Variants in NRXN3 observed in about 807,000 individuals in gnomAD.
NRXN3 encodes the protein neurexin III.
A neutral mutation model predicts 137.6 loss-of-function variants in NRXN3; 32 were observed. The observed-to-expected ratio is 0.23, with a 90% CI of 0.18 to 0.31. NRXN3 has a LOEUF of 0.31. Among genes scored for constraint, NRXN3 ranks in the 10% least tolerant of loss-of-function variants. The pLI is 1.00. For synonymous variants in NRXN3, 798 were observed against 784.5 expected, an observed-to-expected ratio of 1.02 and a Z score of -0.29; for missense variants, 1,574 against 2,062.5, an observed-to-expected ratio of 0.76 and a Z score of 4.59.
At chr14:79,701,820 G>A (rs1421410951) in intron 19 of NRXN3, among the ~76,000 whole-genome samples, 1 of 152,070 alleles carries the variant, frequency 6.6e-6, no homozygotes, top group Admixed American at 6.6e-5. Context: ...TTATAAAGTA[G>A]GGAGGGTGGT....
At chr14:79,109,501 A>G (rs997444187) in intron 15 of NRXN3, among the ~76,000 whole-genome samples, 1 of 152,176 alleles carries the variant, frequency 6.6e-6, no homozygotes, top group Non-Finnish European at 1.5e-5. Context: ...ATATTGGTGA[A>G]CCTTCCTTTT....
At chr14:78,200,776 G>A (rs2061604451) in intron 1 of NRXN3, among the ~76,000 whole-genome samples, 1 of 152,130 alleles carries the variant, frequency 6.6e-6, no homozygotes, top group African/African-American at 2.4e-5. Context: ...AAATTCCTGG[G>A]TCTAGCTACT....
chr14:78,395,801 C>T (rs1407961650), intron 4 of NRXN3, among the ~76,000 whole-genome samples: 2 of 151,754 alleles, frequency 1.3e-5, no homozygotes, highest in Non-Finnish European at 2.9e-5. Context: ...TTAATAGAGC[C>T]ATTCCTGATT....
chr14:79,651,407 C>T (rs1412171334), intron 16 of NRXN3, among the ~76,000 whole-genome samples: 1 of 152,124 alleles, frequency 6.6e-6, no homozygotes, highest in African/African-American at 2.4e-5. Context: ...GTCTTGCTAG[C>T]AGAAGAATGC....
chr14:79,119,899 A>G (rs1432132764), intron 15 of NRXN3, among the ~76,000 whole-genome samples: 3 of 152,154 alleles, frequency 2.0e-5, no homozygotes, highest in Non-Finnish European at 4.4e-5. Flanking sequence ...ATACATGTTC[A>G]TATATTTTAG....
intron 20 of NRXN3, among the ~76,000 whole-genome samples, chr14:79,819,209 T>C (rs950371024): frequency 6.6e-6 from 1 of 152,172 alleles, no homozygotes; most frequent in Non-Finnish European, 1.5e-5. Context: ...CAATCAGCTC[T>C]TATAATGACA....
intron 16 of NRXN3, 114 bp downstream of exon 16, chr14:79,467,516 T>A: frequency 1.1e-6 from 1 of 949,696 alleles, no homozygotes; most frequent in Non-Finnish European, 1.5e-6. Context: ...CACATGCTTA[T>A]AAAAATTGTT....
In NRXN3 at chr14:79,649,797, C is replaced by T. The variant is rs186317372; in HGVS notation, c.3445-13981C>T. On this transcript the variant is annotated intron_variant, in intron 16 of 20. Coordinates refer to ENST00000335750, the MANE Select transcript of NRXN3 (RefSeq NM_001330195.2). Reference sequence around the variant, plus strand: ...CCATTCCTCTTTACTTTCTCAACTGCATCCACTTAAATACATCTTATTGTT... The same window carrying T: ...CCATTCCTCTTTACTTTCTCAACTGTATCCACTTAAATACATCTTATTGTT... Among the ~76,000 whole-genome samples, 6 of 152,290 alleles carry T rather than the reference C, an allele frequency of 3.9e-5. No homozygotes were observed. In the East Asian group the frequency reaches 1.2e-3, roughly 29 times the overall value.
intron 8 of NRXN3, among the ~76,000 whole-genome samples, chr14:78,723,173 C>A (rs777496363): frequency 3.3e-4 from 50 of 152,046 alleles, no homozygotes; most frequent in Non-Finnish European, 1.8e-4. Context: ...ATGGGATAAC[C>A]AGGTCAGATC....
Position 79,353,064 on chromosome 14 carries a change from T to C in NRXN3, c.3263-114157T>C, listed in dbSNP as rs142778611. Among the ~76,000 whole-genome samples, 975 of 152,260 alleles carry C rather than the reference T, an allele frequency of 6.4e-3. 8 individuals are homozygous for C. The highest frequency in any genetic ancestry group is 0.022 in the African/African-American group (925 of 41,590). The stretch of plus-strand genomic sequence containing the variant: ...GTAAAACATTTAACAATGTTGTTTT[T>C]TGGTAAGTAGTAAGTAAAAGTAGCT... On this transcript the variant is annotated intron_variant, in intron 15 of 20. Transcript: ENST00000335750.
chr14:78,904,131 G>A (rs1469491252), intron 10 of NRXN3, among the ~76,000 whole-genome samples: 1 of 152,058 alleles, frequency 6.6e-6, no homozygotes, highest in Admixed American at 6.6e-5. Context: ...TAAAAGGCAG[G>A]CTTGGGTTCA....
chr14:78,833,009 C>A (rs2098986751), intron 10 of NRXN3, among the ~76,000 whole-genome samples: 1 of 152,136 alleles, frequency 6.6e-6, no homozygotes, highest in Non-Finnish European at 1.5e-5. Context: ...TAAGCTATTG[C>A]CCTTGAAGAT....
rs1399061934 is a variant in NRXN3, at chr14:79,844,306, T to G, written c.4094-17036T>G. 2.0e-5 allele frequency among the ~76,000 whole-genome samples: 3 copies of G among 150,826 alleles called. No homozygotes were observed. In the Admixed American group the frequency reaches 2.0e-4, roughly 10 times the overall value. On this transcript the variant is annotated intron_variant, in intron 20 of 20. Transcript: ENST00000335750. ...CCCACCTCCTGCTAATGTTGATATT[T>G]TGACTTTTCTCATGAATCACAAATG...
intron 4 of NRXN3, among the ~76,000 whole-genome samples, chr14:78,363,639 C>T (rs1296039273): frequency 1.3e-5 from 2 of 152,182 alleles, no homozygotes; most frequent in Non-Finnish European, 2.9e-5. Context: ...CTTTCCTATT[C>T]GGCCCATGAT....
chr14:79,391,079 T>C (rs898410107), intron 15 of NRXN3, among the ~76,000 whole-genome samples: 1 of 152,184 alleles, frequency 6.6e-6, no homozygotes, highest in Admixed American at 6.5e-5. Flanking sequence ...CTCTGTTCTT[T>C]GTAAATTATC....
At chr14:79,769,959 G>C (rs944256909) in intron 19 of NRXN3, among the ~76,000 whole-genome samples, 22 of 152,068 alleles carry the variant, frequency 1.4e-4, no homozygotes, top group African/African-American at 5.3e-4. Flanking sequence ...ACAAAAAAAG[G>C]CAAGGGTTGC....
At chr14:79,656,604 C>T (rs1457650105) in intron 16 of NRXN3, among the ~76,000 whole-genome samples, 1 of 148,390 alleles carries the variant, frequency 6.7e-6, no homozygotes, top group East Asian at 2.0e-4. Context: ...GTCATCCCTA[C>T]TCTCTCTCTC....
At chr14:79,791,838 T>A (rs12431745) in intron 19 of NRXN3, among the ~76,000 whole-genome samples, 1 of 151,972 alleles carries the variant, frequency 6.6e-6, no homozygotes, top group Non-Finnish European at 1.5e-5. Flanking sequence ...CATGGCCACT[T>A]TTAGTTGCAA....
intron 15 of NRXN3, among the ~76,000 whole-genome samples, chr14:79,165,363 T>A (rs2061185276): frequency 6.6e-6 from 1 of 152,004 alleles, no homozygotes; most frequent in African/African-American, 2.4e-5. Flanking sequence ...TTATTTGAGG[T>A]CTAGAGGTGT....
Sources: gnomAD v4.1 joint callset for allele counts (sites outside exome capture counted in the v4.1 genomes callset) on GRCh38, gnomAD v4.1.1 for gene constraint, MANE v1.5 for transcripts, NCBI Gene and HGNC (gene_info 2026-07-23, HGNC 2026-07-21) for gene names.